Variants in OPCML observed in about 807,000 individuals in gnomAD.
The protein encoded by OPCML is opioid-binding protein/cell adhesion molecule.
Under a neutral mutation model 37.8 loss-of-function variants are expected in OPCML, and 13 were observed. The ratio of observed to expected loss-of-function variants is 0.34; its 90% CI spans 0.22 to 0.55. The LOEUF is 0.55. Ranked by LOEUF, OPCML falls within the 20% of genes least tolerant of loss-of-function variation. OPCML has a pLI of 0.91. For synonymous variants in OPCML, 176 were observed against 168.8 expected (o/e 1.04, Z -0.33); for missense variants, 341 against 435.6 (o/e 0.78, Z 1.93).
intron 1 of OPCML, among the ~76,000 whole-genome samples, chr11:133,408,055 C>T (rs540246055): frequency 2.3e-4 from 35 of 152,208 alleles, no homozygotes; most frequent in African/African-American, 7.2e-4. Flanking sequence ...TCTTGAAAGC[C>T]GTGACTTTAA....
chr11:132,606,898 T>C (rs1167187625), intron 3 of OPCML, among the ~76,000 whole-genome samples: 1 of 152,232 alleles, frequency 6.6e-6, no homozygotes, highest in Non-Finnish European at 1.5e-5. Context: ...TTTCTGTTAG[T>C]ACTGTTAGAG....
chr11:133,488,415 TTCAGGATACAAAATTAACAGAA>T (rs1232871302), intron 1 of OPCML, among the ~76,000 whole-genome samples: 4 of 152,244 alleles, frequency 2.6e-5, no homozygotes, highest in African/African-American at 9.6e-5. Context: ...TTCATAAAGT[TTCAGGATACAAAATTAACAGAA>T]TCAGTAGTTT....
At chr11:132,771,336 G>A (rs1591586800) in intron 2 of OPCML, among the ~76,000 whole-genome samples, 2 of 152,116 alleles carry the variant, frequency 1.3e-5, no homozygotes, top group East Asian at 1.9e-4. Flanking sequence ...GGGCCAAGAA[G>A]GTAACAAAGC....
intron 1 of OPCML, among the ~76,000 whole-genome samples, chr11:133,176,242 T>C (rs1352466191): frequency 6.6e-6 from 1 of 151,980 alleles, no homozygotes; most frequent in Non-Finnish European, 1.5e-5. Context: ...AGATAGTCTG[T>C]GCAAACTCAA....
chr11:132,558,735 T>A (rs1369780101), intron 3 of OPCML, among the ~76,000 whole-genome samples: 5 of 151,866 alleles, frequency 3.3e-5, no homozygotes, highest in African/African-American at 1.2e-4. Context: ...TCATTCTAAA[T>A]GGCATAGCAG....
chr11:132,807,181 A>T (rs1939066901), intron 2 of OPCML, among the ~76,000 whole-genome samples: 1 of 152,142 alleles, frequency 6.6e-6, no homozygotes, highest in Non-Finnish European at 1.5e-5. Flanking sequence ...TAAGAGCAAA[A>T]CCCAATGAAC....
Position 133,242,384 on chromosome 11 carries a change from A to G in OPCML, c.61+289880T>C, listed in dbSNP as rs549601931. Among the ~76,000 whole-genome samples the G allele has an allele frequency of 1.1e-4, 17 of 152,286 alleles. 1 individual carries two copies. The South Asian group carries it at 3.5e-3, about 32-fold the overall frequency. On this transcript the variant is annotated intron_variant, in intron 1 of 7. Coordinates refer to ENST00000524381, the MANE Select transcript of OPCML (RefSeq NM_001012393.5). The stretch of plus-strand genomic sequence containing the variant: ...TGTAGTAATCTGCTCGGGCTGCTGA[A>G]ACACAGCACCTCAGACGGTGTGGCT...
At chr11:132,602,654 T>G (rs950750803) in intron 3 of OPCML, among the ~76,000 whole-genome samples, 1 of 152,194 alleles carries the variant, frequency 6.6e-6, no homozygotes, top group Non-Finnish European at 1.5e-5. Context: ...CCCTAAAGTT[T>G]CATGGAAATC....
chr11:132,588,498 T>C (rs1342266861), intron 3 of OPCML, among the ~76,000 whole-genome samples: 1 of 152,160 alleles, frequency 6.6e-6, no homozygotes, highest in Non-Finnish European at 1.5e-5. Context: ...AACAAGACCA[T>C]TCCAAAACTT....
intron 2 of OPCML, among the ~76,000 whole-genome samples, chr11:132,732,036 T>A (rs1945095186): frequency 6.6e-6 from 1 of 152,206 alleles, no homozygotes; most frequent in Non-Finnish European, 1.5e-5. Flanking sequence ...AGTATTATTT[T>A]AAAGAGAACA....
intron 3 of OPCML, among the ~76,000 whole-genome samples, chr11:132,635,330 A>G (rs1334588110): frequency 6.6e-6 from 1 of 152,192 alleles, no homozygotes; most frequent in Non-Finnish European, 1.5e-5. Flanking sequence ...TTCCAATTCG[A>G]TTCCTCCCAT....
chr11:133,426,706 A>G (rs904394851), intron 1 of OPCML, among the ~76,000 whole-genome samples: 11 of 152,206 alleles, frequency 7.2e-5, no homozygotes, highest in Admixed American at 2.6e-4. Flanking sequence ...GCAGACGCCA[A>G]TGGTGATTCT....
intron 1 of OPCML, chr11:133,118,206 C>T: frequency 2.0e-6 from 2 of 984,012 alleles, no homozygotes; most frequent in Non-Finnish European, 2.4e-6. Context: ...GTAGGAGGCC[C>T]TGTTCTTTCT....
intron 1 of OPCML, among the ~76,000 whole-genome samples, chr11:133,032,833 A>G (rs1026501247): frequency 3.9e-5 from 6 of 152,180 alleles, no homozygotes; most frequent in Non-Finnish European, 8.8e-5. Flanking sequence ...TTCTACTTTC[A>G]GACAGCTGGC....
At chr11:133,147,221 G>T (rs4936184) in intron 1 of OPCML, among the ~76,000 whole-genome samples, 42,741 of 151,952 alleles carry the variant, frequency 0.28, 7,209 homozygotes, top group African/African-American at 0.48. Flanking sequence ...GGCTTTGTCT[G>T]CAGCATCTCT....
intron 1 of OPCML, chr11:133,418,121 T>G (rs984022004): frequency 2.0e-6 from 2 of 985,276 alleles, no homozygotes; most frequent in African/African-American, 3.5e-5. Context: ...GAATATGGCG[T>G]GAAGTCGAAG....
intron 1 of OPCML, among the ~76,000 whole-genome samples, chr11:133,390,407 G>A (rs1052351361): frequency 1.3e-5 from 2 of 152,126 alleles, no homozygotes; most frequent in East Asian, 1.9e-4. Flanking sequence ...AGCTTGCAGC[G>A]AGCCGAGATC....
intron 2 of OPCML, among the ~76,000 whole-genome samples, chr11:132,713,096 G>C (rs371830026): frequency 3.3e-5 from 5 of 152,134 alleles, no homozygotes; most frequent in East Asian, 1.9e-4. Context: ...ATCTGAAAGA[G>C]CTTGGGAGCT....
At chr11:132,713,234 G>GATTCATTAATTCATTAATTC (rs1367531135) in intron 2 of OPCML, among the ~76,000 whole-genome samples, 1 of 152,078 alleles carries the variant, frequency 6.6e-6, no homozygotes, top group East Asian at 1.9e-4. Flanking sequence ...TTTATTTGCC[G>GATTCATTAATTCATTAATTC]ATTCATTAAT....
Sources: gnomAD v4.1 joint callset for allele counts (sites outside exome capture counted in the v4.1 genomes callset) on GRCh38, gnomAD v4.1.1 for gene constraint, MANE v1.5 for transcripts, NCBI Gene and HGNC (gene_info 2026-07-23, HGNC 2026-07-21) for gene names.